The following NOTCH2 variants were observed in gnomAD, a reference collection of about 807,000 sequenced individuals.
The protein encoded by NOTCH2 is neurogenic locus notch homolog protein 2.
In NOTCH2, 29 loss-of-function variants were observed where a neutral mutation model predicts 235.8. The observed-to-expected ratio is 0.12, with a 90% confidence interval of 0.09 to 0.17. NOTCH2 has a LOEUF of 0.17. Ranked by LOEUF, NOTCH2 falls within the 10% of genes least tolerant of loss-of-function variation. The probability of loss-of-function intolerance (pLI) is 1.00; values close to 1 mark genes in which losing one functional copy is unlikely to be tolerated. For synonymous variants in NOTCH2, 1,086 were observed against 1,141.5 expected (o/e 0.95, Z 0.98); for missense variants, 2,285 against 3,150.2 (o/e 0.73, Z 6.57).
chr1:119,970,804 A>G (rs1429918529), intron 5 of NOTCH2, among the ~76,000 whole-genome samples: 2 of 152,240 alleles, frequency 1.3e-5, no homozygotes, highest in African/African-American at 4.8e-5. Context: ...CTATCAAAGG[A>G]ACTAAAATTT....
Position 119,923,885 on chromosome 1 carries a change from G to A in NOTCH2, c.4611C>T (p.Asp1537=), listed in dbSNP as rs1297190242. 3.1e-6 allele frequency: 5 copies of A among 1,614,164 alleles called. No homozygotes were observed. In the South Asian group the frequency reaches 5.5e-5, roughly 18 times the overall value. Residue 1537 remains aspartate, a synonymous_variant, in exon 26 of 34, where the codon GAC becomes GAT. Transcript: ENST00000256646. Reference sequence around the variant, plus strand: ...TACCTTCTGCCAGGTTCTCAGGTTGGTCAGCAGCACAGTCCAGCCCATCCC... The same window carrying A: ...TACCTTCTGCCAGGTTCTCAGGTTGATCAGCAGCACAGTCCAGCCCATCCC... The part of the protein sequence containing the change: ...CGWDGLDCAA[D]QPENLAEGTL...
intron 20 of NOTCH2, 81 bp downstream of exon 20, chr1:119,937,775 CA>C: frequency 3.2e-6 from 5 of 1,548,362 alleles, no homozygotes; most frequent in Middle Eastern, 2.1e-4. Flanking sequence ...TCTTATTCCA[CA>C]AAAAAATGAT....
At chr1:119,964,649 GAAAT>G (rs1553199441) in intron 10 of NOTCH2, among the ~76,000 whole-genome samples, 1 of 152,144 alleles carries the variant, frequency 6.6e-6, no homozygotes, top group Non-Finnish European at 1.5e-5. Context: ...TCTGTGATCA[GAAAT>G]AAATTATATG....
intron 1 of NOTCH2, among the ~76,000 whole-genome samples, chr1:120,039,192 T>A (rs1292263569): frequency 2.0e-5 from 3 of 152,178 alleles, no homozygotes; most frequent in Non-Finnish European, 2.9e-5. Flanking sequence ...AGGAAGAAGC[T>A]GTATCATATC....
chr1:119,966,337 T>A (rs781874798), intron 9 of NOTCH2, 39 bp downstream of exon 9: 1 of 1,398,090 alleles, frequency 7.2e-7, no homozygotes, highest in Non-Finnish European at 1.0e-6. Flanking sequence ...GTTGGCTTTG[T>A]GCTTTAAGAG....
chr1:119,923,503 G>T (rs1485734281), intron 26 of NOTCH2, 134 bp downstream of exon 26: 10 of 804,292 alleles, frequency 1.2e-5, no homozygotes, highest in East Asian at 5.1e-5. Context: ...TGGGGTAACG[G>T]GTTTATCTTA....
In NOTCH2 at chr1:119,925,395, T is replaced by A. The variant is rs2101161814; in HGVS notation, c.4421A>T (p.Asp1474Val). The change falls in exon 25 of 34, where the codon GAT (aspartate) becomes GTT (valine). Residue 1474 changes from aspartate to valine, a missense_variant. This residue lies in a region of NOTCH2 where 1,173 missense variants were observed against 1,515.3 expected (regional missense o/e 0.77). Transcript: ENST00000256646. The stretch of plus-strand genomic sequence containing the variant: ...CTCATCACACTGGTTGTTGATATAA[T>A]CCCAGCAGGGAAGTGGGGAGGAGCA... ...ANCSSPLPCW[D>V]YINNQCDELC... 1.2e-6 allele frequency: 2 copies of A among 1,614,144 alleles called. No individual in the cohort carries two copies. The highest frequency in any genetic ancestry group is 1.7e-6 in the Non-Finnish European group (2 of 1,180,034).
At chr1:119,937,804 C>A in intron 20 of NOTCH2, 53 bp downstream of exon 20, 1 of 1,604,086 alleles carries the variant, frequency 6.2e-7, no homozygotes. Context: ...CTAAATGCCA[C>A]TGGACAGTCA....
rs368724241 is a variant in NOTCH2, at chr1:119,919,620, G to A, written c.5480-7C>T. On this transcript the variant is annotated splice_polypyrimidine_tract_variant and splice_region_variant and intron_variant, in intron 30 of 33. Coordinates refer to ENST00000256646, the MANE Select transcript of NOTCH2 (RefSeq NM_024408.4). ...ATCAATGGGGTGCAGCCATCTGTAG[G>A]AATGGAAAATTCCATAAAGTACTCA... The A allele has an allele frequency of 2.2e-5, 36 of 1,613,468 alleles. No homozygotes were observed. The highest frequency in any genetic ancestry group is 2.2e-5 in the East Asian group (1 of 44,884).
intron 5 of NOTCH2, among the ~76,000 whole-genome samples, chr1:119,985,164 C>T (rs948528477): frequency 6.6e-6 from 1 of 152,044 alleles, no homozygotes; most frequent in Non-Finnish European, 1.5e-5. Context: ...AGACTTTCTC[C>T]TGTTGATGAT....
At chr1:119,933,286 G>A (rs1649730593) in intron 22 of NOTCH2, among the ~76,000 whole-genome samples, 1 of 152,122 alleles carries the variant, frequency 6.6e-6, no homozygotes, top group Non-Finnish European at 1.5e-5. Flanking sequence ...TTAGAAATAT[G>A]GTGACCAAAA....
At chr1:119,989,608 T>C (rs587648825) in intron 4 of NOTCH2, among the ~76,000 whole-genome samples, 2 of 151,028 alleles carry the variant, frequency 1.3e-5, no homozygotes, top group Admixed American at 6.6e-5. Context: ...ATATATTTTT[T>C]AAAAACTATT....
chr1:119,980,834 G>C (rs1651785357), intron 5 of NOTCH2, among the ~76,000 whole-genome samples: 1 of 152,164 alleles, frequency 6.6e-6, no homozygotes, highest in South Asian at 2.1e-4. Context: ...ATGTGGAGTT[G>C]AGTTCAGGGC....
chr1:120,048,206 G>A (rs1268421119), intron 1 of NOTCH2, among the ~76,000 whole-genome samples: 2 of 139,132 alleles, frequency 1.4e-5, no homozygotes, highest in East Asian at 2.0e-4. Flanking sequence ...AATATATCTT[G>A]TACCAGACCT....
At chr1:119,987,799 C>T (rs1201342298) in intron 4 of NOTCH2, among the ~76,000 whole-genome samples, 1 of 152,170 alleles carries the variant, frequency 6.6e-6, no homozygotes, top group African/African-American at 2.4e-5. Context: ...ACTAAGCTTA[C>T]CAGCACTTCA....
intron 4 of NOTCH2, among the ~76,000 whole-genome samples, chr1:119,991,821 C>T (rs1474276054): frequency 3.9e-5 from 4 of 103,424 alleles, no homozygotes; most frequent in Admixed American, 9.0e-5. Context: ...AGCGATGCTC[C>T]GTCTCAAAAA....
At chr1:119,950,001 AAAG>A (rs1650408422) in intron 15 of NOTCH2, 1 of 160,094 alleles carries the variant, frequency 6.2e-6, no homozygotes, top group South Asian at 1.7e-4. Flanking sequence ...AGTAGAAAAC[AAAG>A]AATAAATGTC....
intron 12 of NOTCH2, 40 bp downstream of exon 12, chr1:119,959,352 T>C (rs782208744): frequency 5.7e-6 from 6 of 1,056,072 alleles, no homozygotes; most frequent in South Asian, 5.0e-5. Context: ...CCCAAAGTGA[T>C]AGGGCTGAAG....
At chr1:119,932,290 A>G (rs1553195235) in intron 22 of NOTCH2, among the ~76,000 whole-genome samples, 1 of 152,212 alleles carries the variant, frequency 6.6e-6, no homozygotes. Context: ...GCTATAAAAA[A>G]TATTGAGGAA....
Sources: gnomAD v4.1 joint callset for allele counts (sites outside exome capture counted in the v4.1 genomes callset) on GRCh38, gnomAD v4.1.1 for gene constraint, gnomAD v4.1.1 regional missense constraint, MANE v1.5 for transcripts, NCBI Gene and HGNC (gene_info 2026-07-23, HGNC 2026-07-21) for gene names.